The following STEAP1B variants were observed in gnomAD, a reference collection of about 807,000 sequenced individuals.
The protein encoded by STEAP1B is STEAP family protein MGC87042.
In STEAP1B, 13 loss-of-function variants were observed where a neutral mutation model predicts 27.9. The ratio of observed to expected loss-of-function variants is 0.47; its 90% CI spans 0.30 to 0.74. The LOEUF (loss-of-function observed/expected upper bound fraction) is 0.74, where lower values mean the gene tolerates loss of function less well. Among genes scored for constraint, STEAP1B ranks in the 30% least tolerant of loss-of-function variants. The probability of loss-of-function intolerance (pLI) is 0.06; values close to 1 mark genes in which losing one functional copy is unlikely to be tolerated. For missense variants in STEAP1B, 250 were observed against 298.7 expected, an observed-to-expected ratio of 0.84 and a Z score of 1.20; for synonymous variants, 86 against 107.1, an observed-to-expected ratio of 0.80 and a Z score of 1.22.
rs3064738 is a variant in STEAP1B at position 22,456,972 on chromosome 7, A to ATTTTTTTTTTTTTTTT, written c.762+35592_762+35593insAAAAAAAAAAAAAAAA. Among the ~76,000 whole-genome samples the ATTTTTTTTTTTTTTTT allele has an allele frequency of 4.0e-4, 23 of 56,966 alleles. 3 individuals carry two copies. The highest frequency in any genetic ancestry group is 1.3e-3 in the African/African-American group (18 of 14,234). 37.4% of individuals were successfully genotyped at this position (56,966 alleles called of 152,430 possible). A position where few individuals can be genotyped will look rare whatever the true frequency, so the allele number is the denominator to read the frequency against. ...GGCAGCTATATATATATATATATAT[A>ATTTTTTTTTTTTTTTT]TTTTTTTTTTTTTTAAGTATCCTGG... On this transcript the variant is annotated intron_variant, in intron 4 of 4. Coordinates refer to ENST00000678116, the MANE Select transcript of STEAP1B (RefSeq NM_001382447.1).
At chr7:22,437,775 T>G (rs1399633120) in intron 4 of STEAP1B, among the ~76,000 whole-genome samples, 1 of 152,208 alleles carries the variant, frequency 6.6e-6, no homozygotes, top group African/African-American at 2.4e-5. Flanking sequence ...TCTTATTTGC[T>G]TTTTTGGTAA....
At chr7:22,424,246 C>T (rs1785079231) in intron 4 of STEAP1B, among the ~76,000 whole-genome samples, 2 of 152,104 alleles carry the variant, frequency 1.3e-5, no homozygotes. Context: ...TTGACAATAA[C>T]ACTTGCCATA....
intron 4 of STEAP1B, chr7:22,438,613 T>C (rs1341143486): frequency 2.6e-6 from 4 of 1,552,204 alleles, no homozygotes; most frequent in South Asian, 2.4e-5. Context: ...GAAGTATATA[T>C]AACTCCTAGT....
At chr7:22,493,047 G>C (rs923693604) in intron 3 of STEAP1B, among the ~76,000 whole-genome samples, 1 of 152,190 alleles carries the variant, frequency 6.6e-6, no homozygotes, top group African/African-American at 2.4e-5. Context: ...GTAATCTTGT[G>C]AGGGTGGTAG....
chr7:22,456,972 A>ATATATATTTTTTTTTTT, intron 4 of STEAP1B, among the ~76,000 whole-genome samples: 6 of 57,078 alleles, frequency 1.1e-4, no homozygotes, highest in East Asian at 1.3e-3. Flanking sequence ...ATATATATAT[A>ATATATATTTTTTTTTTT]TTTTTTTTTT....
chr7:22,494,715 C>T (rs1786407650), intron 2 of STEAP1B, 57 bp downstream of exon 2: 3 of 1,227,794 alleles, frequency 2.4e-6, no homozygotes, highest in Admixed American at 2.5e-5. Context: ...AGAATGTCAT[C>T]GAATTATGTT....
chr7:22,421,465 A>G lies in STEAP1B; in HGVS notation c.763-1629T>C, dbSNP rs564228625. Among the ~76,000 whole-genome samples, 7 of 152,358 alleles carry G rather than the reference A, an allele frequency of 4.6e-5. No individual in the cohort carries two copies. The East Asian group carries it at 7.7e-4, about 17-fold the overall frequency. Reference sequence around the variant, plus strand: ...CGTGGGGAGGTGTCAGAAGCCACACAGCATGTCAAGGAGTTCACAGTGGAA... The same window carrying G: ...CGTGGGGAGGTGTCAGAAGCCACACGGCATGTCAAGGAGTTCACAGTGGAA... On this transcript the variant is annotated intron_variant, in intron 4 of 4. Transcript: ENST00000678116.
intron 4 of STEAP1B, among the ~76,000 whole-genome samples, chr7:22,465,221 T>C (rs1785756230): frequency 6.6e-6 from 1 of 151,812 alleles, no homozygotes; most frequent in East Asian, 1.9e-4. Context: ...TGAGATTTCA[T>C]CCTGCTACTC....
chr7:22,498,039 T>C (rs1232396935), intron 1 of STEAP1B, among the ~76,000 whole-genome samples: 1 of 152,162 alleles, frequency 6.6e-6, no homozygotes, highest in Non-Finnish European at 1.5e-5. Flanking sequence ...GTCCCTTGCA[T>C]GTGCAGTTTG....
intron 4 of STEAP1B, among the ~76,000 whole-genome samples, chr7:22,452,177 T>A (rs995123588): frequency 1.3e-5 from 2 of 152,142 alleles, no homozygotes; most frequent in African/African-American, 4.8e-5. Context: ...CACCCTTGAC[T>A]GAGGGAAAGG....
chr7:22,499,164 A>G (rs1786491993), intron 1 of STEAP1B, among the ~76,000 whole-genome samples: 1 of 152,230 alleles, frequency 6.6e-6, no homozygotes. Flanking sequence ...AGTGGAGCAC[A>G]TTTCTAATGC....
chr7:22,423,468 C>T (rs1191997010), intron 4 of STEAP1B, among the ~76,000 whole-genome samples: 1 of 152,144 alleles, frequency 6.6e-6, no homozygotes, highest in Admixed American at 6.5e-5. Context: ...TGCAACATGT[C>T]TAAACCTTAA....
At chr7:22,467,330 C>G (rs1286481688) in intron 4 of STEAP1B, among the ~76,000 whole-genome samples, 6 of 152,186 alleles carry the variant, frequency 3.9e-5, no homozygotes, top group Admixed American at 3.9e-4. Context: ...AGTCTGCTGT[C>G]TTACAAGTCA....
At chr7:22,429,668 A>G (rs1785153773) in intron 4 of STEAP1B, among the ~76,000 whole-genome samples, 1 of 152,228 alleles carries the variant, frequency 6.6e-6, no homozygotes, top group Admixed American at 6.5e-5. Context: ...TGCTCAGAAC[A>G]GTGCACAATT....
chr7:22,472,290 T>A (rs1365230523), intron 4 of STEAP1B, among the ~76,000 whole-genome samples: 6 of 152,148 alleles, frequency 3.9e-5, no homozygotes, highest in Non-Finnish European at 2.9e-5. Context: ...GAGTCTTACA[T>A]CCCCATGTGC....
At chr7:22,422,081 T>C (rs1445481799) in intron 4 of STEAP1B, among the ~76,000 whole-genome samples, 1 of 152,272 alleles carries the variant, frequency 6.6e-6, no homozygotes, top group African/African-American at 2.4e-5. Context: ...AAGATTATTC[T>C]CTTATTCAAC....
intron 4 of STEAP1B, among the ~76,000 whole-genome samples, chr7:22,455,821 C>A (rs1395074326): frequency 6.6e-6 from 1 of 152,176 alleles, no homozygotes; most frequent in Non-Finnish European, 1.5e-5. Flanking sequence ...TGTGCACTTG[C>A]CTAAAAAGGC....
chr7:22,486,330 C>T (rs1786208318), intron 4 of STEAP1B, among the ~76,000 whole-genome samples: 1 of 152,126 alleles, frequency 6.6e-6, no homozygotes, highest in African/African-American at 2.4e-5. Flanking sequence ...GTCTGGAAGG[C>T]CAAATAAACC....
chr7:22,462,808 C>T (rs1785702928), intron 4 of STEAP1B, among the ~76,000 whole-genome samples: 1 of 151,642 alleles, frequency 6.6e-6, no homozygotes, highest in South Asian at 2.1e-4. Context: ...AATCGCCACA[C>T]TGACTTCCAC....
Sources: allele counts gnomAD v4.1 joint callset (sites outside exome capture counted in the v4.1 genomes callset), GRCh38; gene constraint gnomAD v4.1.1; transcripts MANE v1.5; gene names NCBI Gene and HGNC (gene_info 2026-07-23, HGNC 2026-07-21).